The following NFATC1 variants were observed in gnomAD, a reference collection of about 807,000 sequenced individuals.
NFATC1 encodes nuclear factor of activated T-cells, cytoplasmic 1.
NFATC1 carries 22 observed loss-of-function variants against 76.0 expected under a neutral mutation model. The ratio of observed to expected loss-of-function variants is 0.29; its 90% CI spans 0.21 to 0.41. The LOEUF (loss-of-function observed/expected upper bound fraction) is 0.41. Among genes scored for constraint, NFATC1 ranks in the 10% least tolerant of loss-of-function variants. The pLI is 1.00. For synonymous variants in NFATC1, 704 were observed against 613.1 expected (o/e 1.15, Z -2.19); for missense variants, 1,357 against 1,337.7 (o/e 1.01, Z -0.23).
At chr18:79,435,624 C>T (rs1292590087) in intron 3 of NFATC1, among the ~76,000 whole-genome samples, 1 of 152,194 alleles carries the variant, frequency 6.6e-6, no homozygotes, top group Non-Finnish European at 1.5e-5. Flanking sequence ...TCTGGAATCC[C>T]GTCTCTGGTT....
At chr18:79,513,026 C>T (rs2090295564) in intron 9 of NFATC1, among the ~76,000 whole-genome samples, 1 of 152,246 alleles carries the variant, frequency 6.6e-6, no homozygotes, top group Admixed American at 6.5e-5. Flanking sequence ...GCTAGAGACG[C>T]AGGGAGTTGT....
Position 79,451,813 on chromosome 18 carries a change from C to T in NFATC1, c.1900C>T (p.Pro634Ser), listed in dbSNP as rs746612992. The change falls in exon 6 of 10, where the codon CCA (proline) becomes TCA (serine). Residue 634 changes from proline to serine, a missense_variant. Physicochemically the swap from Pro to Ser is moderately conservative, Grantham distance 74. Coordinates refer to ENST00000427363, the MANE Select transcript of NFATC1 (RefSeq NM_001278669.2). The part of the protein sequence containing the change: ...DSKVIFVEKA[P>S]DGHHVWEMEA... ...CAAGGTCATTTTCGTGGAGAAAGCC[C>T]CAGGTATGCTCTTCACCAGGGGCCA... The T allele has an allele frequency of 5.6e-6, 9 of 1,608,668 alleles. No individual in the cohort carries two copies. Among genetic ancestry groups the T allele is most frequent in the Non-Finnish European group, 7.6e-6 (9 of 1,177,420 alleles).
intron 9 of NFATC1, chr18:79,515,807 CATTTTT>C (rs1266054794): frequency 6.6e-6 from 1 of 152,006 alleles, no homozygotes; most frequent in Non-Finnish European, 1.5e-5. Flanking sequence ...GGAGCTTTAA[CATTTTT>C]ATTTTTTAAA....
chr18:79,455,623 G>A (rs1272668802), intron 6 of NFATC1, among the ~76,000 whole-genome samples: 3 of 152,088 alleles, frequency 2.0e-5, no homozygotes, highest in Non-Finnish European at 2.9e-5. Flanking sequence ...CGGTGGGAGC[G>A]AGTAGACAGA....
At chr18:79,407,770 G>A (rs867094118) in intron 1 of NFATC1, among the ~76,000 whole-genome samples, 3 of 152,304 alleles carry the variant, frequency 2.0e-5, no homozygotes, top group Non-Finnish European at 2.9e-5. Flanking sequence ...TGACATTACT[G>A]TTCTCTCTCC....
chr18:79,500,427 A>G (rs1189711240), intron 9 of NFATC1, among the ~76,000 whole-genome samples: 1 of 152,186 alleles, frequency 6.6e-6, no homozygotes, highest in Non-Finnish European at 1.5e-5. Context: ...TTAAATGCCT[A>G]TATGAGGAAT....
At chr18:79,446,994 A>AGTCTGGGCCTCACG (rs2087234686) in intron 3 of NFATC1, among the ~76,000 whole-genome samples, 1 of 152,218 alleles carries the variant, frequency 6.6e-6, no homozygotes, top group African/African-American at 2.4e-5. Flanking sequence ...CCTGCCCATC[A>AGTCTGGGCCTCACG]GTCTGGGCCT....
Position 79,411,466 on chromosome 18 carries a change from G to A in NFATC1, c.1191G>A (p.Ala397=), listed in dbSNP as rs766901147. The change falls in exon 2 of 10, where the codon GCG becomes GCA. Residue 397 remains alanine (A), a synonymous_variant. Transcript: ENST00000427363. ...TGCCGCAGCACCCCTACCAGTGGGCGAAGCCCAAGCCCCTGTCCCCTACGT... is the reference window on the plus strand; with the variant it reads ...TGCCGCAGCACCCCTACCAGTGGGCAAAGCCCAAGCCCCTGTCCCCTACGT... ...LAVPQHPYQW[A]KPKPLSPTSY... is the part of the protein sequence containing the mutation. 2.8e-5 allele frequency: 42 copies of A among 1,496,820 alleles called. No homozygotes were observed. The highest frequency in any genetic ancestry group is 3.7e-4 in the Middle Eastern group (2 of 5,442). The allele number at this position is 1,496,820 out of a possible 1,614,324, so 92.7% of individuals were successfully genotyped here.
intron 9 of NFATC1, among the ~76,000 whole-genome samples, chr18:79,517,855 A>G (rs1310517552): frequency 6.6e-6 from 1 of 152,232 alleles, no homozygotes; most frequent in African/African-American, 2.4e-5. Context: ...ACCTATATGA[A>G]CAAATATGCT....
At chr18:79,506,695 G>A (rs376741291) in intron 9 of NFATC1, among the ~76,000 whole-genome samples, 3 of 152,294 alleles carry the variant, frequency 2.0e-5, no homozygotes, top group East Asian at 3.9e-4. Flanking sequence ...GAATAAAAAT[G>A]TGTGTGCTTC....
chr18:79,496,657 C>T (rs1209783301), intron 9 of NFATC1: 2 of 152,306 alleles, frequency 1.3e-5, no homozygotes, highest in Non-Finnish European at 1.5e-5. Flanking sequence ...CAGTCGGAAC[C>T]GTAGTGTTTT....
rs1296845651 is a variant in NFATC1, at chr18:79,467,593, C to T, written c.2092+11C>T. 3 of 1,613,872 alleles carry T rather than the reference C, an allele frequency of 1.9e-6. No individual in the cohort carries two copies. The highest frequency in any genetic ancestry group is 1.7e-5 in the Admixed American group (1 of 59,998). ...ACCTTCCCGCCAACGGTAACGCCAT[C>T]TTTCTAACCGTAAGCCGTGAACATG... On this transcript the variant is annotated intron_variant, in intron 8 of 9. Transcript: ENST00000427363.
At chr18:79,457,419 C>T (rs569598384) in intron 6 of NFATC1, among the ~76,000 whole-genome samples, 27 of 152,300 alleles carry the variant, frequency 1.8e-4, no homozygotes, top group Admixed American at 1.5e-3. Flanking sequence ...GGGGAGGCCA[C>T]GCGTCACGTC....
chr18:79,450,906 C>T (rs1340760504), intron 4 of NFATC1, 48 bp from the exon 5 acceptor site: 3 of 1,583,982 alleles, frequency 1.9e-6, no homozygotes, highest in Non-Finnish European at 2.6e-6. Context: ...CCTTTACGCT[C>T]CCGCGTCAGC....
At chr18:79,438,430 C>T (rs904526591) in intron 3 of NFATC1, among the ~76,000 whole-genome samples, 1 of 152,188 alleles carries the variant, frequency 6.6e-6, no homozygotes, top group Non-Finnish European at 1.5e-5. Context: ...GCACGTGGAC[C>T]TCTGTGGGAT....
rs144428572 is a variant in NFATC1 at position 79,407,144 on chromosome 18, G to A, written c.128-3259G>A. ...CTCCTCGGAAACCTCACCTTCTCCC[G>A]GAAGCTGCTTTCCAGGCTCATTTTT... On this transcript the variant is annotated intron_variant, in intron 1 of 9. Transcript: ENST00000427363. Among the ~76,000 whole-genome samples, 18 of 152,380 alleles carry A rather than the reference G, an allele frequency of 1.2e-4. 1 individual carries two copies. The highest frequency in any genetic ancestry group is 4.6e-4 in the Admixed American group (7 of 15,310).
intron 6 of NFATC1, among the ~76,000 whole-genome samples, chr18:79,453,272 C>T (rs899506993): frequency 5.9e-5 from 9 of 152,250 alleles, no homozygotes; most frequent in African/African-American, 1.9e-4. Flanking sequence ...CAGACCTGAG[C>T]AGCCTCCTTG....
intron 1 of NFATC1, chr18:79,402,330 G>C: frequency 1.0e-6 from 1 of 985,440 alleles, no homozygotes; most frequent in Non-Finnish European, 1.2e-6. Flanking sequence ...GGGGACCCTG[G>C]TGAACATGGG....
At chr18:79,398,131 G>A (rs754165971) in intron 1 of NFATC1, among the ~76,000 whole-genome samples, 11 of 152,290 alleles carry the variant, frequency 7.2e-5, no homozygotes, top group East Asian at 5.8e-4. Flanking sequence ...CTCGGGTTTC[G>A]GGACCATCTG....
Sources: allele counts gnomAD v4.1 joint callset (sites outside exome capture counted in the v4.1 genomes callset), GRCh38; gene constraint gnomAD v4.1.1; transcripts MANE v1.5; gene names NCBI Gene and HGNC (gene_info 2026-07-23, HGNC 2026-07-21).